The following FAF1 variants were observed in gnomAD, a reference collection of about 807,000 sequenced individuals.
FAF1 encodes FAS-associated factor 1.
A neutral mutation model predicts 92.5 loss-of-function variants in FAF1; 25 were observed. That is an observed-to-expected ratio of 0.27 (90% CI 0.20 to 0.38). The LOEUF (loss-of-function observed/expected upper bound fraction) is 0.38. Ranked by LOEUF, FAF1 falls within the 10% of genes least tolerant of loss-of-function variation. FAF1 has a pLI of 1.00. For synonymous variants in FAF1, 234 were observed against 273.2 expected (o/e 0.86, Z 1.42); for missense variants, 636 against 793.3 (o/e 0.80, Z 2.38).
At chr1:50,638,572 T>C (rs1254030535) in intron 8 of FAF1, among the ~76,000 whole-genome samples, 1 of 151,624 alleles carries the variant, frequency 6.6e-6, no homozygotes, top group East Asian at 1.9e-4. Flanking sequence ...GCCTCCTGAG[T>C]AGCTGAGATT....
At chr1:50,938,715 TC>T (rs1171153922) in intron 1 of FAF1, among the ~76,000 whole-genome samples, 3 of 152,204 alleles carry the variant, frequency 2.0e-5, no homozygotes, top group African/African-American at 7.2e-5. Context: ...TTGAGGTCTT[TC>T]ATTTAAATCT....
intron 1 of FAF1, among the ~76,000 whole-genome samples, chr1:50,917,451 C>T (rs955333967): frequency 1.3e-5 from 2 of 152,078 alleles, no homozygotes; most frequent in Non-Finnish European, 2.9e-5. Context: ...ATTTTTGCAG[C>T]AATCAGAGGG....
At chr1:50,697,280 A>T (rs1259922998) in intron 7 of FAF1, among the ~76,000 whole-genome samples, 2 of 152,240 alleles carry the variant, frequency 1.3e-5, no homozygotes, top group Non-Finnish European at 2.9e-5. Flanking sequence ...TCTAATACTT[A>T]GCCATGATAA....
intron 4 of FAF1, among the ~76,000 whole-genome samples, chr1:50,757,604 GTTCTT>G (rs1660127321): frequency 6.6e-6 from 1 of 151,982 alleles, no homozygotes; most frequent in South Asian, 2.1e-4. Flanking sequence ...ATATTTTCCA[GTTCTT>G]TTCATTTTTA....
intron 7 of FAF1, among the ~76,000 whole-genome samples, chr1:50,658,908 G>A (rs764024880): frequency 6.6e-6 from 1 of 152,148 alleles, no homozygotes; most frequent in South Asian, 2.1e-4. Flanking sequence ...GTTACCATAC[G>A]TAGATGTTAC....
chr1:50,831,789 G>T (rs1482070482), intron 2 of FAF1, among the ~76,000 whole-genome samples: 1 of 130,880 alleles, frequency 7.6e-6, no homozygotes, highest in Non-Finnish European at 1.6e-5. Context: ...ACCCATAAGA[G>T]TATCCTTATC....
chr1:50,517,252 A>G (rs1171453915), intron 15 of FAF1, among the ~76,000 whole-genome samples: 1 of 152,170 alleles, frequency 6.6e-6, no homozygotes, highest in African/African-American at 2.4e-5. Flanking sequence ...CCATTATAAG[A>G]TAACTATTTA....
chr1:50,847,983 T>G (rs1421039150), intron 2 of FAF1, among the ~76,000 whole-genome samples: 2 of 151,952 alleles, frequency 1.3e-5, no homozygotes, highest in African/African-American at 4.8e-5. Flanking sequence ...CAACACAGAA[T>G]TCCATATCCA....
rs1434688055 is a variant in FAF1, at chr1:50,582,700, C to A, written c.1032-1G>T. The A allele has an allele frequency of 6.3e-7, 1 of 1,592,220 alleles. No homozygotes were observed. ...AAATACAGGATGGCAATCACCATAT[C>A]TATAGGAAAAAGTGAGTCTATTAAT... On this transcript the variant is annotated splice_acceptor_variant, in intron 11 of 18. Coordinates refer to ENST00000396153, the MANE Select transcript of FAF1 (RefSeq NM_007051.3). LOFTEE classifies it high-confidence loss of function.
intron 15 of FAF1, among the ~76,000 whole-genome samples, chr1:50,524,279 A>G (rs916603312): frequency 1.3e-5 from 2 of 152,114 alleles, no homozygotes; most frequent in Admixed American, 1.3e-4. Context: ...TAAATGCTGG[A>G]TATTAGACCT....
intron 6 of FAF1, among the ~76,000 whole-genome samples, chr1:50,721,381 A>C (rs1017273508): frequency 2.0e-5 from 3 of 151,792 alleles, no homozygotes; most frequent in Non-Finnish European, 2.9e-5. Context: ...CGCCCAGCTA[A>C]TTTTTGTATT....
chr1:50,675,440 A>G (rs1290889506), intron 7 of FAF1, among the ~76,000 whole-genome samples: 1 of 152,204 alleles, frequency 6.6e-6, no homozygotes, highest in African/African-American at 2.4e-5. Context: ...AATGTTAGGG[A>G]CGATGGCAAA....
intron 1 of FAF1, among the ~76,000 whole-genome samples, chr1:50,911,589 C>G (rs184437429): frequency 6.6e-6 from 1 of 151,760 alleles, no homozygotes; most frequent in African/African-American, 2.4e-5. Flanking sequence ...CTCAGCTACT[C>G]GGGAGGCTGA....
intron 12 of FAF1, among the ~76,000 whole-genome samples, chr1:50,578,661 T>C (rs1051620540): frequency 6.6e-6 from 1 of 152,174 alleles, no homozygotes; most frequent in African/African-American, 2.4e-5. Context: ...AATATGAGGA[T>C]TATATATCCC....
At chr1:50,933,048 G>A (rs115688353) in intron 1 of FAF1, among the ~76,000 whole-genome samples, 57 of 152,218 alleles carry the variant, frequency 3.7e-4, no homozygotes, top group African/African-American at 1.3e-3. Context: ...TCCTGGGTCC[G>A]GCCCACAAAA....
chr1:50,745,834 T>C (rs1361388205), intron 4 of FAF1, among the ~76,000 whole-genome samples: 1 of 152,020 alleles, frequency 6.6e-6, no homozygotes, highest in East Asian at 1.9e-4. Flanking sequence ...TAAAGACACC[T>C]GAAAATGTGG....
intron 4 of FAF1, among the ~76,000 whole-genome samples, chr1:50,759,635 A>G (rs1660240252): frequency 2.0e-5 from 3 of 152,296 alleles, no homozygotes; most frequent in Admixed American, 2.0e-4. Context: ...TCTTTATAGC[A>G]GCATGATTTA....
At chr1:50,506,020 G>A (rs1647053862) in intron 15 of FAF1, among the ~76,000 whole-genome samples, 1 of 152,184 alleles carries the variant, frequency 6.6e-6, no homozygotes, top group Non-Finnish European at 1.5e-5. Context: ...AGGTCTCAGA[G>A]CAGCCTTTAC....
chr1:50,525,957 G>T (rs1165793244), intron 15 of FAF1, among the ~76,000 whole-genome samples: 1 of 152,120 alleles, frequency 6.6e-6, no homozygotes, highest in Non-Finnish European at 1.5e-5. Context: ...CTGAGTACAT[G>T]ATACTCACCC....
Sources: allele counts gnomAD v4.1 joint callset (sites outside exome capture counted in the v4.1 genomes callset), GRCh38; gene constraint gnomAD v4.1.1; transcripts MANE v1.5; gene names NCBI Gene and HGNC (gene_info 2026-07-23, HGNC 2026-07-21).